The following NOB1 variants were observed in gnomAD, a reference collection of about 807,000 sequenced individuals.
The protein encoded by NOB1 is NIN1 (RPN12) binding protein 1 homolog, also known as RNA-binding protein NOB1.
A neutral mutation model predicts 44.8 loss-of-function variants in NOB1; 44 were observed. The ratio of observed to expected loss-of-function variants is 0.98; its 90% confidence interval spans 0.77 to 1.26. NOB1 has a LOEUF of 1.26. Ranked by LOEUF, NOB1 falls within the 50% of genes most tolerant of loss-of-function variation. NOB1 has a pLI of 0.00. For missense variants in NOB1, 560 were observed against 544.8 expected (o/e 1.03, Z -0.28); for synonymous variants, 238 against 218.7 (o/e 1.09, Z -0.78).
Position 69,754,699 on chromosome 16 carries a change from G to A in NOB1, c.91C>T (p.Arg31Trp), listed in dbSNP as rs769562492. 6.8e-6 allele frequency: 11 copies of A among 1,614,184 alleles called. No homozygotes were observed. The highest frequency in any genetic ancestry group is 9.3e-6 in the Non-Finnish European group (11 of 1,180,036). Reference protein sequence around the residue: ...QDIGKNIYTIREVVTEIRDKA... With the variant: ...QDIGKNIYTIWEVVTEIRDKA... The stretch of plus-strand genomic sequence containing the variant: ...TCCCGAATCTCAGTGACCACCTCCC[G>A]GATGGTGTAAATGTTCTTCCCGATG... The change falls in exon 2 of 9, where the codon CGG becomes TGG. Residue 31 changes from arginine (R) to tryptophan (W), a missense_variant. Arg to Trp is a moderately radical substitution (Grantham distance 101, BLOSUM62 -3). Coordinates refer to ENST00000268802, the MANE Select transcript of NOB1 (RefSeq NM_014062.3).
At chr16:69,745,096 G>A (rs951287163) in intron 7 of NOB1, 79 bp from the exon 8 acceptor site, 3 of 1,492,818 alleles carry the variant, frequency 2.0e-6, no homozygotes, top group Non-Finnish European at 2.8e-6. Flanking sequence ...GTGGGTCTCG[G>A]GCCTCAGGAG....
chr16:69,744,185 G>A (rs144150232), intron 8 of NOB1, among the ~76,000 whole-genome samples: 55 of 152,278 alleles, frequency 3.6e-4, no homozygotes, highest in African/African-American at 1.3e-3. Flanking sequence ...GCCAAGCATG[G>A]TGGCGTGTGC....
chr16:69,745,140 T>G (rs1053547030), intron 7 of NOB1, 123 bp from the exon 8 acceptor site: 19 of 986,264 alleles, frequency 1.9e-5, no homozygotes, highest in Non-Finnish European at 2.8e-5. Context: ...GCACCACACA[T>G]GTCACAAAGA....
Position 69,742,344 on chromosome 16 carries a change from C to T in NOB1, c.1227G>A (p.Val409=). The change falls in exon 9 of 9, where the codon GTG becomes GTA. Residue 409 remains valine, a synonymous_variant. Coordinates refer to ENST00000268802, the MANE Select transcript of NOB1 (RefSeq NM_014062.3). ...GGGAACTCGCTCTTCACCTTTTCTT[C>T]ACAAACTTCTTTCTGGAAGCGTTGG... ...LNPNASRKKF[V]KKR 3 of 1,611,394 alleles carry T rather than the reference C, an allele frequency of 1.9e-6. No homozygotes were observed. Among genetic ancestry groups the T allele is most frequent in the South Asian group, 1.1e-5 (1 of 91,030 alleles).
intron 2 of NOB1, 82 bp downstream of exon 2, chr16:69,754,501 GATAAGGCAGCT>G (rs1349458038): frequency 6.6e-7 from 1 of 1,520,214 alleles, no homozygotes; most frequent in Non-Finnish European, 8.9e-7. Flanking sequence ...CTACTGCTCT[GATAAGGCAGCT>G]AGACCCCAAC....
At chr16:69,746,509 T>TAACA (rs2038432456) in intron 7 of NOB1, among the ~76,000 whole-genome samples, 2 of 152,206 alleles carry the variant, frequency 1.3e-5, no homozygotes, top group African/African-American at 4.8e-5. Flanking sequence ...GTCAAGAAAC[T>TAACA]AACAGTTCAC....
intron 5 of NOB1, 38 bp downstream of exon 5, chr16:69,749,175 T>C (rs2038460370): frequency 1.9e-6 from 3 of 1,613,202 alleles, no homozygotes; most frequent in African/African-American, 1.3e-5. Context: ...GGAGGAGAAG[T>C]TGAGCTGTCG....
chr16:69,748,422 A>G, intron 6 of NOB1, 93 bp from the exon 7 acceptor site: 1 of 1,199,612 alleles, frequency 8.3e-7, no homozygotes, highest in Non-Finnish European at 1.2e-6. Context: ...TGCCTTGCCC[A>G]TATTCCTTGG....
rs1391393503 is a variant in NOB1 at position 69,742,015 on chromosome 16, A to C, written c.*317T>G. 3.5e-6 allele frequency: 1 copy of C among 286,502 alleles called. No homozygotes were observed. The allele number at this position is 286,502 out of a possible 1,614,324, so 17.7% of individuals were successfully genotyped here. A position where few individuals can be genotyped will look rare whatever the true frequency, so the allele number is the denominator to read the frequency against. On this transcript the variant is annotated 3_prime_UTR_variant, in exon 9 of 9. Coordinates refer to ENST00000268802, the MANE Select transcript of NOB1 (RefSeq NM_014062.3). ...TGGCCTATTTAATTAAATGCACAGG[A>C]GGTTGCAGCCGCATTTATTAGAAAA...
Position 69,754,721 on chromosome 16 carries a change from G to T in NOB1, c.69C>A (p.Ile23=). 6.2e-7 allele frequency: 1 copy of T among 1,614,114 alleles called. No individual in the cohort carries two copies. Among genetic ancestry groups the T allele is most frequent in the Non-Finnish European group, 8.5e-7 (1 of 1,180,034 alleles). The change falls in exon 2 of 9, where the codon ATC becomes ATA. Residue 23 remains isoleucine (I), a synonymous_variant. Coordinates refer to ENST00000268802, the MANE Select transcript of NOB1 (RefSeq NM_014062.3). ...CCCGGATGGTGTAAATGTTCTTCCC[G>T]ATGTCCTGCGGACAGAACGCCCCAG... The part of the protein sequence containing the change: ...AFLRHAALQD[I]GKNIYTIREV...
At chr16:69,748,463 C>T in intron 6 of NOB1, 134 bp from the exon 7 acceptor site, 1 of 731,540 alleles carries the variant, frequency 1.4e-6, no homozygotes, top group South Asian at 1.8e-5. Context: ...CCTGGGGAGG[C>T]CTCTCAAGAT....
chr16:69,747,309 A>G (rs889157527), intron 7 of NOB1, among the ~76,000 whole-genome samples: 14 of 152,006 alleles, frequency 9.2e-5, no homozygotes, highest in African/African-American at 3.4e-4. Context: ...AGGACAAGAT[A>G]AGAGGATTGC....
chr16:69,742,680 G>A lies in NOB1; in HGVS notation c.970-79C>T, dbSNP rs140739943. 46 of 1,427,076 alleles carry A rather than the reference G, an allele frequency of 3.2e-5. No homozygotes were observed. In the African/African-American group the frequency reaches 4.3e-4, roughly 13 times the overall value. 88.4% of individuals were successfully genotyped at this position (1,427,076 alleles called of 1,614,324 possible). On this transcript the variant is annotated intron_variant, in intron 8 of 8. Transcript: ENST00000268802. ...AGGCCATGGCTGGTAAGGTGCAGCCGACCTTGCAGATCCTGGTGCAGGCAG... is the reference window on the plus strand; with the variant it reads ...AGGCCATGGCTGGTAAGGTGCAGCCAACCTTGCAGATCCTGGTGCAGGCAG...
At chr16:69,746,889 G>C (rs1021452894) in intron 7 of NOB1, among the ~76,000 whole-genome samples, 15 of 148,246 alleles carry the variant, frequency 1.0e-4, no homozygotes, top group African/African-American at 3.5e-4. Context: ...GCAACAGAGA[G>C]ACTCTGTCTC....
intron 6 of NOB1, chr16:69,748,621 CCT>C (rs2038453772): frequency 1.9e-6 from 1 of 528,070 alleles, no homozygotes; most frequent in African/African-American, 1.9e-5. Flanking sequence ...GGCTGAAAAC[CCT>C]CTCTCCCTGT....
In NOB1 at chr16:69,754,838, C is replaced by A. The variant is rs1597619393; in HGVS notation, c.63+10G>T. On this transcript the variant is annotated intron_variant, in intron 1 of 8. Transcript: ENST00000268802. Reference sequence around the variant, plus strand: ...CAGATCTCTCTCGTCCCGGAGGGAGCTCCCCGTACCTGCAGAGCCGCATGC... The same window carrying A: ...CAGATCTCTCTCGTCCCGGAGGGAGATCCCCGTACCTGCAGAGCCGCATGC... 2 of 1,603,296 alleles carry A rather than the reference C, an allele frequency of 1.2e-6. No homozygotes were observed. The highest frequency in any genetic ancestry group is 1.7e-6 in the Non-Finnish European group (2 of 1,175,904).
chr16:69,742,238 G>A lies in NOB1; in HGVS notation c.*94C>T, dbSNP rs1036735330. ...GTGAAGCCCGCCTGTTATTTCCATC[G>A]GGTGGTCCTGGAGACGACACGGCTG... On this transcript the variant is annotated 3_prime_UTR_variant, in exon 9 of 9. Transcript: ENST00000268802. 26 of 1,474,320 alleles carry A rather than the reference G, an allele frequency of 1.8e-5. No homozygotes were observed. Among genetic ancestry groups the A allele is most frequent in the Admixed American group, 3.9e-5 (2 of 50,784 alleles). The allele number at this position is 1,474,320 out of a possible 1,614,324, so 91.3% of individuals were successfully genotyped here. A position where few individuals can be genotyped will look rare whatever the true frequency, so the allele number is the denominator to read the frequency against.
chr16:69,753,968 G>A (rs539301832), intron 2 of NOB1, among the ~76,000 whole-genome samples: 2 of 152,260 alleles, frequency 1.3e-5, no homozygotes, highest in South Asian at 4.1e-4. Flanking sequence ...ACCACGCCCA[G>A]CTAATTTTGT....
intron 3 of NOB1, 120 bp downstream of exon 3, chr16:69,752,121 A>G: frequency 1.1e-6 from 1 of 885,182 alleles, no homozygotes; most frequent in Non-Finnish European, 1.8e-6. Context: ...AGACTAGCTA[A>G]GAGATAATTG....
Sources: gnomAD v4.1 joint callset for allele counts (sites outside exome capture counted in the v4.1 genomes callset) on GRCh38, gnomAD v4.1.1 for gene constraint, MANE v1.5 for transcripts, NCBI Gene and HGNC (gene_info 2026-07-23, HGNC 2026-07-21) for gene names.